DIAPH2: variants seen among roughly 807,000 people sequenced by gnomAD.
DIAPH2 encodes the protein protein diaphanous homolog 2.
DIAPH2 carries 35 observed loss-of-function variants against 92.7 expected under a neutral mutation model. The ratio of observed to expected loss-of-function variants is 0.38; its 90% CI spans 0.29 to 0.50. The LOEUF (loss-of-function observed/expected upper bound fraction) is 0.50. DIAPH2 is among the 20% of genes least tolerant of loss of function. The pLI, the probability that DIAPH2 is intolerant of heterozygous loss-of-function variation, is 0.94. For missense variants in DIAPH2, 701 were observed against 819.5 expected (o/e 0.86, Z 1.77); for synonymous variants, 301 against 280.4 (o/e 1.07, Z -0.73).
chrX:96,751,287 A>G (rs184444715), intron 3 of DIAPH2, among the ~76,000 whole-genome samples: 155 of 111,212 alleles, frequency 1.4e-3, no homozygotes, highest in African/African-American at 4.7e-3. Context: ...GGCTTTAAAA[A>G]CATTATAGGC....
intron 4 of DIAPH2, among the ~76,000 whole-genome samples, chrX:96,778,413 T>C (rs1289947274): frequency 9.0e-6 from 1 of 110,858 alleles, no homozygotes; most frequent in East Asian, 2.8e-4. Flanking sequence ...TTTTAAAATT[T>C]TTTTTCTTTT....
intron 23 of DIAPH2, among the ~76,000 whole-genome samples, chrX:97,298,484 G>A (rs2068665111): frequency 9.1e-6 from 1 of 109,481 alleles, no homozygotes; most frequent in South Asian, 4.0e-4. Flanking sequence ...AAACTCATTT[G>A]AATAGTCAGA....
At chrX:97,572,138 G>A (rs1180163549) in intron 26 of DIAPH2, among the ~76,000 whole-genome samples, 1 of 108,598 alleles carries the variant, frequency 9.2e-6, no homozygotes, top group Non-Finnish European at 1.9e-5. Context: ...GAATATGACT[G>A]GACATAAACA....
chrX:96,793,199 C>T (rs2064512962), intron 4 of DIAPH2, among the ~76,000 whole-genome samples: 1 of 112,246 alleles, frequency 8.9e-6, no homozygotes, highest in East Asian at 2.8e-4. Context: ...CTCACTCTGT[C>T]GCCCAGGCTA....
intron 23 of DIAPH2, chrX:97,341,244 A>G (rs775305684): frequency 1.4e-4 from 15 of 109,728 alleles, no homozygotes; most frequent in African/African-American, 5.0e-4. Context: ...CCCAGGTCAG[A>G]AACAAAGTAG....
chrX:96,919,302 A>G, intron 9 of DIAPH2, among the ~76,000 whole-genome samples: 1 of 112,232 alleles, frequency 8.9e-6, no homozygotes, highest in Non-Finnish European at 1.9e-5. Flanking sequence ...CTAGATATGA[A>G]GGTATTGCTA....
intron 5 of DIAPH2, among the ~76,000 whole-genome samples, chrX:96,896,452 G>A (rs2065345259): frequency 8.9e-6 from 1 of 111,794 alleles, no homozygotes; most frequent in Admixed American, 9.5e-5. Flanking sequence ...TCTAAGATAA[G>A]TCACTAACCT....
At chrX:97,529,475 G>C (rs1427378233) in intron 26 of DIAPH2, among the ~76,000 whole-genome samples, 1 of 112,363 alleles carries the variant, frequency 8.9e-6, no homozygotes, top group African/African-American at 3.2e-5. Flanking sequence ...TAAGTGCTTA[G>C]AGATGCAGTG....
intron 17 of DIAPH2, among the ~76,000 whole-genome samples, chrX:97,013,629 T>A (rs758552615): frequency 1.8e-5 from 2 of 112,422 alleles, no homozygotes; most frequent in African/African-American, 3.2e-5. Context: ...TGAACTCTTA[T>A]TCATTCTGCC....
chrX:96,852,038 A>T (rs1260646875), intron 4 of DIAPH2, among the ~76,000 whole-genome samples: 1 of 112,252 alleles, frequency 8.9e-6, no homozygotes, highest in African/African-American at 3.2e-5. Flanking sequence ...TTCAAAATGT[A>T]TATTACCTCT....
chrX:96,945,922 C>T (rs1314311527), intron 14 of DIAPH2, among the ~76,000 whole-genome samples: 3 of 111,831 alleles, frequency 2.7e-5, no homozygotes, highest in Admixed American at 1.9e-4. Flanking sequence ...TTGCAGCTGT[C>T]GCTTGCAATA....
intron 4 of DIAPH2, among the ~76,000 whole-genome samples, chrX:96,811,841 T>G (rs1385840136): frequency 8.9e-6 from 1 of 112,079 alleles, no homozygotes; most frequent in African/African-American, 3.2e-5. Flanking sequence ...TTTCGTATGT[T>G]GAACCAGCCT....
At chrX:97,589,425 AT>A (rs928671320) in intron 26 of DIAPH2, among the ~76,000 whole-genome samples, 3 of 107,760 alleles carry the variant, frequency 2.8e-5, no homozygotes, top group Admixed American at 1.0e-4. Flanking sequence ...TATAAATTAT[AT>A]TTTTTTCAAA....
At chrX:97,591,999 T>C (rs1295813410) in intron 26 of DIAPH2, among the ~76,000 whole-genome samples, 1 of 112,216 alleles carries the variant, frequency 8.9e-6, no homozygotes, top group East Asian at 2.8e-4. Context: ...AACCATACTT[T>C]TCTAAGATTT....
intron 20 of DIAPH2, among the ~76,000 whole-genome samples, chrX:97,112,760 TCTTTC>T (rs2066989488): frequency 1.2e-5 from 1 of 84,055 alleles, no homozygotes; most frequent in African/African-American, 4.8e-5. Context: ...TCTTTCCCTT[TCTTTC>T]TTTTTTTTTT....
At chrX:96,727,038 A>C (rs1305480663) in intron 1 of DIAPH2, among the ~76,000 whole-genome samples, 1 of 111,961 alleles carries the variant, frequency 8.9e-6, no homozygotes, top group Non-Finnish European at 1.9e-5. Flanking sequence ...AAACACTCTT[A>C]TCATTTGGCC....
At chrX:97,496,455 G>T (rs186296530) in intron 26 of DIAPH2, among the ~76,000 whole-genome samples, 1 of 101,229 alleles carries the variant, frequency 9.9e-6, no homozygotes, top group Non-Finnish European at 2.0e-5. Context: ...GATTACAGGC[G>T]TGAGCCACCA....
intron 22 of DIAPH2, among the ~76,000 whole-genome samples, chrX:97,239,698 G>C (rs938164584): frequency 9.0e-6 from 1 of 110,950 alleles, no homozygotes; most frequent in Non-Finnish European, 1.9e-5. Context: ...TTATATTAGT[G>C]AACTAATATA....
chrX:97,512,433 A>C (rs1348086369), intron 26 of DIAPH2, among the ~76,000 whole-genome samples: 1 of 112,280 alleles, frequency 8.9e-6, no homozygotes, highest in East Asian at 2.8e-4. Context: ...GTGGTCTATC[A>C]ATTTTGTTGA....
Sources: allele counts gnomAD v4.1 joint callset (sites outside exome capture counted in the v4.1 genomes callset), GRCh38; gene constraint gnomAD v4.1.1; transcripts MANE v1.5; gene names NCBI Gene and HGNC (gene_info 2026-07-23, HGNC 2026-07-21).